The following RELN variants were observed in gnomAD, a reference collection of about 807,000 sequenced individuals.
The protein encoded by RELN is reelin.
RELN carries 108 observed loss-of-function variants against 427.6 expected under a neutral mutation model. The observed-to-expected ratio is 0.25, with a 90% CI of 0.22 to 0.30. RELN has a LOEUF of 0.30. Among genes scored for constraint, RELN ranks in the 10% least tolerant of loss-of-function variants. The pLI, the probability that RELN is intolerant of heterozygous loss-of-function variation, is 1.00. For synonymous variants in RELN, 1,524 were observed against 1,513.4 expected (o/e 1.01, Z -0.16); for missense variants, 3,715 against 4,302.8 (o/e 0.86, Z 3.82).
intron 2 of RELN, among the ~76,000 whole-genome samples, chr7:103,900,285 C>T (rs1050341548): frequency 4.6e-5 from 7 of 151,816 alleles, no homozygotes; most frequent in Non-Finnish European, 7.4e-5. Context: ...CTCTGCTCAA[C>T]GAAATAAGAG....
chr7:103,901,189 C>G (rs1795077359), intron 2 of RELN, among the ~76,000 whole-genome samples: 1 of 151,854 alleles, frequency 6.6e-6, no homozygotes, highest in Admixed American at 6.6e-5. Flanking sequence ...AATTGAAAAT[C>G]AAACCACAAT....
At chr7:103,905,501 A>C (rs970915832) in intron 2 of RELN, among the ~76,000 whole-genome samples, 10 of 152,108 alleles carry the variant, frequency 6.6e-5, no homozygotes, top group African/African-American at 2.2e-4. Context: ...CCTCAAACTT[A>C]AAGACAGTAA....
rs545213616 is a variant in RELN at position 103,716,476 on chromosome 7, T to C, written c.805+6664A>G. ...GCTTAAAGATCTTCTCTTTGACAGATGAGTCCCTGGTTAATTGACAAGAAA... is the reference window on the plus strand; with the variant it reads ...GCTTAAAGATCTTCTCTTTGACAGACGAGTCCCTGGTTAATTGACAAGAAA... On this transcript the variant is annotated intron_variant, in intron 8 of 64. Transcript: ENST00000428762. Among the ~76,000 whole-genome samples the C allele has an allele frequency of 7.9e-5, 12 of 152,312 alleles. No homozygotes were observed. The East Asian group carries it at 2.1e-3, about 27-fold the overall frequency.
rs183000084 is a variant in RELN at position 103,875,767 on chromosome 7, C to G, written c.337+41308G>C. Among the ~76,000 whole-genome samples, 40 of 152,152 alleles carry G rather than the reference C, an allele frequency of 2.6e-4. 1 individual carries two copies. In the East Asian group the frequency reaches 6.8e-3, roughly 26 times the overall value. On this transcript the variant is annotated intron_variant, in intron 2 of 64. Transcript: ENST00000428762. Reference sequence around the variant, plus strand: ...TTAAAACTCAAAACCCTGAATCTGTCTTTCATAATTGATGAATGGAAATCA... The same window carrying G: ...TTAAAACTCAAAACCCTGAATCTGTGTTTCATAATTGATGAATGGAAATCA...
chr7:103,989,568 C>T lies in RELN; in HGVS notation c.-212G>A, dbSNP rs1797183660. 1 of 417,608 alleles carries T rather than the reference C, an allele frequency of 2.4e-6. No individual in the cohort carries two copies. The highest frequency in any genetic ancestry group is 4.7e-5 in the Admixed American group (1 of 21,346). The allele number at this position is 417,608 out of a possible 1,614,324, so 25.9% of individuals were successfully genotyped here. A position where few individuals can be genotyped will look rare whatever the true frequency, so the allele number is the denominator to read the frequency against. ...AAAGTTACTTTGGGCCGCGGGAGCG[C>T]GGGACCGGGGCTGCGGGCGCCGAGA... is the stretch of plus-strand genomic sequence containing the variant. On this transcript the variant is annotated 5_prime_UTR_variant, in exon 1 of 65. Coordinates refer to ENST00000428762, the MANE Select transcript of RELN (RefSeq NM_005045.4). This position sits in a 1 kb window ranked among gnomAD's most constrained non-coding sequence, Gnocchi z 4.9.
In RELN at chr7:103,594,505, A is replaced by G. The variant is rs766606772; in HGVS notation, c.3540-13T>C. The G allele has an allele frequency of 3.1e-6, 5 of 1,613,506 alleles. No individual in the cohort carries two copies. The highest frequency in any genetic ancestry group is 3.4e-6 in the Non-Finnish European group (4 of 1,179,694). ...CAGATAGACAAATCTGAATAAAAGT[A>G]AATCATTTACGGTTGGGAAAACAAA... is the stretch of plus-strand genomic sequence containing the variant. On this transcript the variant is annotated splice_polypyrimidine_tract_variant and intron_variant, in intron 25 of 64. Coordinates refer to ENST00000428762, the MANE Select transcript of RELN (RefSeq NM_005045.4).
chr7:103,914,266 T>C (rs62481169), intron 2 of RELN, among the ~76,000 whole-genome samples: 28 of 152,072 alleles, frequency 1.8e-4, no homozygotes, highest in Non-Finnish European at 1.5e-5. Flanking sequence ...ACAACACACT[T>C]AGGAATGATC....
chr7:103,841,701 C>T (rs963322181), intron 2 of RELN, among the ~76,000 whole-genome samples: 1 of 152,110 alleles, frequency 6.6e-6, no homozygotes, highest in Admixed American at 6.5e-5. Context: ...TATGATCCCC[C>T]ATCTCTACAA....
At chr7:103,818,108 A>G (rs1207867740) in intron 3 of RELN, among the ~76,000 whole-genome samples, 1 of 152,100 alleles carries the variant, frequency 6.6e-6, no homozygotes, top group Non-Finnish European at 1.5e-5. Context: ...AAAAGAAAAA[A>G]TGGGAATTTT....
At chr7:103,483,561 CTT>C in intron 62 of RELN, 90 bp downstream of exon 62, 1 of 1,361,648 alleles carries the variant, frequency 7.3e-7, no homozygotes, top group Non-Finnish European at 1.1e-6. Context: ...GGTGCATTAA[CTT>C]TACCCAACTT....
chr7:103,641,459 A>C (rs890625218), intron 16 of RELN, among the ~76,000 whole-genome samples: 1 of 152,198 alleles, frequency 6.6e-6, no homozygotes, highest in Admixed American at 6.5e-5. Context: ...ATTGTAGGCC[A>C]ATGGAAAGAT....
intron 51 of RELN, among the ~76,000 whole-genome samples, chr7:103,506,318 G>A (rs920093593): frequency 4.6e-5 from 7 of 152,096 alleles, no homozygotes; most frequent in Non-Finnish European, 7.4e-5. Flanking sequence ...GAGAAAGGTC[G>A]GGTTACCCAC....
At chr7:103,742,565 C>G (rs1295031149) in intron 6 of RELN, among the ~76,000 whole-genome samples, 1 of 152,012 alleles carries the variant, frequency 6.6e-6, no homozygotes, top group Non-Finnish European at 1.5e-5. Context: ...GCAGAGAAGT[C>G]CTTAAAGGAG....
At chr7:103,487,545 GA>G (rs573397766) in intron 60 of RELN, among the ~76,000 whole-genome samples, 1 of 150,080 alleles carries the variant, frequency 6.7e-6, no homozygotes, top group African/African-American at 2.4e-5. Flanking sequence ...TATATTGTTG[GA>G]AAAAAAATCC....
At chr7:103,717,034 C>G (rs112778062) in intron 8 of RELN, among the ~76,000 whole-genome samples, 1 of 152,024 alleles carries the variant, frequency 6.6e-6, no homozygotes, top group East Asian at 1.9e-4. Context: ...TTTTTCTAAG[C>G]CTCATTAGAT....
intron 3 of RELN, among the ~76,000 whole-genome samples, chr7:103,810,360 C>T (rs1792709858): frequency 6.6e-6 from 1 of 152,190 alleles, no homozygotes; most frequent in African/African-American, 2.4e-5. Context: ...ATAGGTCATC[C>T]ATCTTCTTTT....
intron 63 of RELN, among the ~76,000 whole-genome samples, chr7:103,480,748 A>G (rs1828204628): frequency 6.6e-6 from 1 of 152,224 alleles, no homozygotes; most frequent in Non-Finnish European, 1.5e-5. Context: ...TGGTACATAT[A>G]AAATTATAAT....
intron 20 of RELN, among the ~76,000 whole-genome samples, chr7:103,617,183 G>A (rs904660490): frequency 1.3e-5 from 2 of 152,102 alleles, no homozygotes; most frequent in African/African-American, 2.4e-5. Flanking sequence ...TGTGTGTGAA[G>A]CCTTTTCATG....
In RELN at chr7:103,519,306, T is replaced by C; in HGVS notation, c.7862+17A>G. On this transcript the variant is annotated intron_variant, in intron 49 of 64. Coordinates refer to ENST00000428762, the MANE Select transcript of RELN (RefSeq NM_005045.4). ...TGCTCGATGTACTCGTTATTAGATA[T>C]CAAATCGAATACAAACCCGGGCTTA... The C allele has an allele frequency of 6.3e-7, 1 of 1,596,900 alleles. No homozygotes were observed. Among genetic ancestry groups the C allele is most frequent in the Non-Finnish European group, 8.6e-7 (1 of 1,164,278 alleles).
Sources: gnomAD v4.1 joint callset for allele counts (sites outside exome capture counted in the v4.1 genomes callset) on GRCh38, gnomAD v4.1.1 for gene constraint, Gnocchi (gnomAD v3.1) non-coding constraint, MANE v1.5 for transcripts, NCBI Gene and HGNC (gene_info 2026-07-23, HGNC 2026-07-21) for gene names.